HMGB1: variants seen among roughly 807,000 people sequenced by gnomAD.
The protein encoded by HMGB1 is high mobility group protein B1.
For synonymous variants in HMGB1, 81 were observed against 84.0 expected, an observed-to-expected ratio of 0.96 and a Z score of 0.19; for missense variants, 79 against 253.5, an observed-to-expected ratio of 0.31 and a Z score of 4.67.
intron 1 of HMGB1, among the ~76,000 whole-genome samples, chr13:30,546,004 A>C (rs1404177976): frequency 6.6e-6 from 1 of 152,192 alleles, no homozygotes; most frequent in Non-Finnish European, 1.5e-5. Flanking sequence ...GTGCAGCCAC[A>C]CTGGCTACAT....
chr13:30,595,525 C>T (rs1438892660), intron 1 of HMGB1, among the ~76,000 whole-genome samples: 1 of 152,210 alleles, frequency 6.6e-6, no homozygotes, highest in Non-Finnish European at 1.5e-5. Context: ...TTATCTATTG[C>T]TGCGTAGCAT....
intron 1 of HMGB1, among the ~76,000 whole-genome samples, chr13:30,522,881 C>T (rs1251886267): frequency 2.6e-5 from 4 of 152,114 alleles, no homozygotes; most frequent in Non-Finnish European, 5.9e-5. Flanking sequence ...GTGCCTGGCT[C>T]ATTTTTGTAT....
chr13:30,475,597 G>T (rs1015156904), intron 1 of HMGB1, among the ~76,000 whole-genome samples: 1 of 151,836 alleles, frequency 6.6e-6, no homozygotes, highest in Admixed American at 6.6e-5. Flanking sequence ...TCACTCAGAA[G>T]GCTGAGATAG....
At chr13:30,518,413 A>T (rs2137471036) in intron 1 of HMGB1, among the ~76,000 whole-genome samples, 1 of 152,264 alleles carries the variant, frequency 6.6e-6, no homozygotes, top group Non-Finnish European at 1.5e-5. Flanking sequence ...GATTTTCAAG[A>T]CCCAATTTAG....
chr13:30,538,778 CTTCTTTCTT>C lies in HMGB1; in HGVS notation c.-14-75093_-14-75085del, dbSNP rs1566019381. On this transcript the variant is annotated intron_variant, in intron 1 of 4. Transcript: ENST00000405805. ...TTCTTTCTCTTTCTCTCTCTCTTTC[CTTCTTTCTT>C]TTTCTTTCTTCCTTTCTCTCTCTCT... Among the ~76,000 whole-genome samples the C allele has an allele frequency of 2.3e-3, 54 of 23,338 alleles. 1 individual carries two copies. Among genetic ancestry groups the C allele is most frequent in the African/African-American group, 8.0e-3 (42 of 5,260 alleles). The allele number at this position is 23,338 out of a possible 152,430, so 15.3% of individuals were successfully genotyped here.
intron 1 of HMGB1, among the ~76,000 whole-genome samples, chr13:30,522,109 CTTTTTTTTT>C (rs35096026): frequency 3.1e-5 from 4 of 130,170 alleles, no homozygotes; most frequent in African/African-American, 1.1e-4. Flanking sequence ...AATTATGATA[CTTTTTTTTT>C]TTTTTTTTGG....
At chr13:30,482,911 C>G (rs945068714) in intron 1 of HMGB1, among the ~76,000 whole-genome samples, 2 of 151,536 alleles carry the variant, frequency 1.3e-5, no homozygotes, top group African/African-American at 2.4e-5. Flanking sequence ...CCTCAGCCTC[C>G]TGGGTATCTA....
chr13:30,575,994 C>T (rs756857819), intron 1 of HMGB1, among the ~76,000 whole-genome samples: 3 of 152,170 alleles, frequency 2.0e-5, no homozygotes, highest in Non-Finnish European at 4.4e-5. Flanking sequence ...GACAGAATCC[C>T]TGTCTCTAGG....
chr13:30,602,310 A>G (rs1383778717), intron 1 of HMGB1, among the ~76,000 whole-genome samples: 1 of 152,230 alleles, frequency 6.6e-6, no homozygotes, highest in Admixed American at 6.5e-5. Context: ...ACCCCAGCCC[A>G]GCTGCTAACT....
chr13:30,497,370 G>C (rs1197757070), intron 1 of HMGB1, among the ~76,000 whole-genome samples: 1 of 151,594 alleles, frequency 6.6e-6, no homozygotes, highest in Non-Finnish European at 1.5e-5. Context: ...GGGATTACAG[G>C]TGCCTGCCAC....
chr13:30,522,131 A>T (rs544539899), intron 1 of HMGB1, among the ~76,000 whole-genome samples: 8 of 82,632 alleles, frequency 9.7e-5, no homozygotes, highest in Non-Finnish European at 1.7e-4. Flanking sequence ...TTTTTTGGGC[A>T]AGACAAGGTC....
chr13:30,516,121 T>C (rs1201970820), intron 1 of HMGB1, among the ~76,000 whole-genome samples: 1 of 152,200 alleles, frequency 6.6e-6, no homozygotes, highest in African/African-American at 2.4e-5. Flanking sequence ...TAATACAGCA[T>C]CTCCCAAATA....
At chr13:30,578,368 CTTTTTT>C (rs60947686) in intron 1 of HMGB1, among the ~76,000 whole-genome samples, 25 of 59,318 alleles carry the variant, frequency 4.2e-4, no homozygotes, top group East Asian at 2.5e-3. Context: ...AGTTCTTGTT[CTTTTTT>C]TTTTTTTTTT....
At chr13:30,475,491 G>C (rs1360784857) in intron 1 of HMGB1, among the ~76,000 whole-genome samples, 1 of 150,078 alleles carries the variant, frequency 6.7e-6, no homozygotes, top group Non-Finnish European at 1.5e-5. Context: ...GGGATTACAA[G>C]TGTGAGCCAA....
chr13:30,462,750 G>C, intron 3 of HMGB1, 38 bp from the exon 4 acceptor site: 2 of 1,552,466 alleles, frequency 1.3e-6, no homozygotes, highest in Non-Finnish European at 1.8e-6. Context: ...TAAGTTAACA[G>C]ATCACAAAAA....
At chr13:30,605,292 G>A (rs142540970) in intron 1 of HMGB1, among the ~76,000 whole-genome samples, 3 of 152,222 alleles carry the variant, frequency 2.0e-5, no homozygotes, top group Non-Finnish European at 4.4e-5. Context: ...ATATGAACTT[G>A]GGAGTCTCCA....
At chr13:30,464,751 C>T (rs965938673) in intron 1 of HMGB1, 11 of 377,692 alleles carry the variant, frequency 2.9e-5, no homozygotes, top group Non-Finnish European at 3.8e-5. Flanking sequence ...GAGAATATGG[C>T]TCCTTCCCTT....
intron 1 of HMGB1, among the ~76,000 whole-genome samples, chr13:30,511,816 T>G (rs1887997805): frequency 6.6e-6 from 1 of 152,204 alleles, no homozygotes; most frequent in African/African-American, 2.4e-5. Flanking sequence ...GCTGTCCCAC[T>G]GCCCCAAACA....
chr13:30,554,136 T>C, intron 1 of HMGB1: 4 of 1,261,264 alleles, frequency 3.2e-6, no homozygotes, highest in Non-Finnish European at 4.7e-6. Context: ...TATTACACAG[T>C]ACATCTACTA....
Sources: gnomAD v4.1 joint callset for allele counts (sites outside exome capture counted in the v4.1 genomes callset) on GRCh38, gnomAD v4.1.1 for gene constraint, MANE v1.5 for transcripts, NCBI Gene and HGNC (gene_info 2026-07-23, HGNC 2026-07-21) for gene names.